The following MAGI2 variants were observed in gnomAD, a reference collection of about 807,000 sequenced individuals.
MAGI2 encodes the protein membrane associated guanylate kinase, WW and PDZ domain containing 2.
A neutral mutation model predicts 133.3 loss-of-function variants in MAGI2; 35 were observed. The ratio of observed to expected loss-of-function variants is 0.26; its 90% confidence interval spans 0.20 to 0.35. MAGI2 has a LOEUF of 0.35. Ranked by LOEUF, MAGI2 falls within the 10% of genes least tolerant of loss-of-function variation. The pLI is 1.00. For missense variants in MAGI2, 1,636 were observed against 1,863.4 expected, an observed-to-expected ratio of 0.88 and a Z score of 2.25; for synonymous variants, 729 against 710.6, an observed-to-expected ratio of 1.03 and a Z score of -0.41.
chr7:79,043,394 C>G (rs528071000), intron 1 of MAGI2, among the ~76,000 whole-genome samples: 1 of 150,554 alleles, frequency 6.6e-6, no homozygotes, highest in African/African-American at 2.4e-5. Context: ...AATACAAAAA[C>G]TAGCTGAGTG....
rs71085515 is a variant in MAGI2, at chr7:78,208,135, CTTTTTT to C, written c.2048-6948_2048-6943del. Among the ~76,000 whole-genome samples the C allele has an allele frequency of 4.3e-5, 5 of 115,588 alleles. No individual in the cohort carries two copies. The Admixed American group carries it at 4.6e-4, about 11-fold the overall frequency. The allele number at this position is 115,588 out of a possible 152,430, so 75.8% of individuals were successfully genotyped here. ...CATCCACCTCGGCCTCCCAAAGTGG[CTTTTTT>C]TTTTTTTTTTTTTTAATATGGGGAG... is the stretch of plus-strand genomic sequence containing the variant. On this transcript the variant is annotated intron_variant, in intron 10 of 21. Coordinates refer to ENST00000354212, the MANE Select transcript of MAGI2 (RefSeq NM_012301.4).
intron 1 of MAGI2, among the ~76,000 whole-genome samples, chr7:79,400,831 T>C (rs534724190): frequency 3.3e-5 from 5 of 152,214 alleles, no homozygotes; most frequent in Admixed American, 3.3e-4. Flanking sequence ...CTACATACTA[T>C]ATGTTGTACA....
At chr7:78,312,622 A>G (rs746317472) in intron 9 of MAGI2, among the ~76,000 whole-genome samples, 1 of 152,196 alleles carries the variant, frequency 6.6e-6, no homozygotes, top group Non-Finnish European at 1.5e-5. Context: ...TCTCAATGTC[A>G]CTAATAATCA....
intron 1 of MAGI2, among the ~76,000 whole-genome samples, chr7:79,013,665 A>G (rs1322026229): frequency 2.0e-5 from 3 of 152,174 alleles, no homozygotes; most frequent in Non-Finnish European, 4.4e-5. Flanking sequence ...AACAGCCTCC[A>G]TTCCCTTTTT....
intron 2 of MAGI2, among the ~76,000 whole-genome samples, chr7:78,923,493 C>T (rs1219473872): frequency 6.6e-6 from 1 of 152,160 alleles, no homozygotes; most frequent in Non-Finnish European, 1.5e-5. Context: ...TGTCAAAGAT[C>T]AGATAGTTGT....
At chr7:78,497,865 G>C (rs1425711730) in intron 5 of MAGI2, among the ~76,000 whole-genome samples, 1 of 152,012 alleles carries the variant, frequency 6.6e-6, no homozygotes, top group African/African-American at 2.4e-5. Context: ...CTTCAGCAAA[G>C]TCTAATTAAA....
At chr7:78,261,793 CT>C (rs1426456970) in intron 9 of MAGI2, among the ~76,000 whole-genome samples, 5 of 152,096 alleles carry the variant, frequency 3.3e-5, no homozygotes, top group African/African-American at 1.2e-4. Flanking sequence ...GCTTTATTTT[CT>C]GCAGCTTATA....
chr7:78,429,914 C>A (rs1245366234), intron 6 of MAGI2, among the ~76,000 whole-genome samples: 1 of 151,984 alleles, frequency 6.6e-6, no homozygotes, highest in African/African-American at 2.4e-5. Flanking sequence ...AGTAATTTGC[C>A]CAAGGCCACA....
Position 78,024,305 on chromosome 7 carries a change from C to A in MAGI2, c.3707-4329G>T, listed in dbSNP as rs934509674. On this transcript the variant is annotated intron_variant, in intron 21 of 21. Coordinates refer to ENST00000354212, the MANE Select transcript of MAGI2 (RefSeq NM_012301.4). ...CTAGGTGTTTTCATTATTCATGTAGCTTTTATATAACAATACTCCCAAATG... is the reference window on the plus strand; with the variant it reads ...CTAGGTGTTTTCATTATTCATGTAGATTTTATATAACAATACTCCCAAATG... 2.0e-5 allele frequency among the ~76,000 whole-genome samples: 3 copies of A among 152,180 alleles called. No individual in the cohort carries two copies. In the South Asian group the frequency reaches 6.2e-4, roughly 32 times the overall value.
intron 1 of MAGI2, among the ~76,000 whole-genome samples, chr7:79,352,181 C>T (rs928261250): frequency 6.6e-6 from 1 of 152,166 alleles, no homozygotes; most frequent in Non-Finnish European, 1.5e-5. Flanking sequence ...TATAGGACTA[C>T]TAAAAATAAA....
intron 10 of MAGI2, among the ~76,000 whole-genome samples, chr7:78,222,148 A>G (rs188355506): frequency 3.5e-4 from 53 of 152,322 alleles, no homozygotes; most frequent in African/African-American, 1.2e-3. Flanking sequence ...GGGAATGCAC[A>G]TCATTCTGTG....
intron 2 of MAGI2, among the ~76,000 whole-genome samples, chr7:78,770,089 G>T (rs1251560804): frequency 1.3e-5 from 2 of 152,202 alleles, no homozygotes; most frequent in African/African-American, 4.8e-5. Context: ...TGCTATCACG[G>T]AAAGCACAAG....
chr7:79,063,523 TCAGTA>T, intron 1 of MAGI2, among the ~76,000 whole-genome samples: 1 of 152,062 alleles, frequency 6.6e-6, no homozygotes, highest in Non-Finnish European at 1.5e-5. Context: ...AGTTACTTTA[TCAGTA>T]CAGAGTGAAT....
At chr7:78,028,164 G>A (rs1391861371) in intron 21 of MAGI2, among the ~76,000 whole-genome samples, 1 of 152,200 alleles carries the variant, frequency 6.6e-6, no homozygotes, top group Non-Finnish European at 1.5e-5. Context: ...CTTGAAAATT[G>A]CAGAACAAAT....
At chr7:78,237,197 A>G (rs1409706390) in intron 10 of MAGI2, among the ~76,000 whole-genome samples, 2 of 152,192 alleles carry the variant, frequency 1.3e-5, no homozygotes, top group Non-Finnish European at 2.9e-5. Flanking sequence ...TGGCCAACAG[A>G]CATATTTTTA....
intron 2 of MAGI2, among the ~76,000 whole-genome samples, chr7:78,780,448 C>G (rs1192904514): frequency 6.6e-6 from 1 of 152,204 alleles, no homozygotes; most frequent in African/African-American, 2.4e-5. Flanking sequence ...GTAACAGTAA[C>G]TATGAGTATC....
chr7:78,870,096 C>T (rs1265489666), intron 2 of MAGI2, among the ~76,000 whole-genome samples: 1 of 151,880 alleles, frequency 6.6e-6, no homozygotes, highest in African/African-American at 2.4e-5. Flanking sequence ...CTATAAGGAA[C>T]TCCAACAAAT....
intron 2 of MAGI2, among the ~76,000 whole-genome samples, chr7:78,730,627 T>C (rs1275819371): frequency 6.6e-6 from 1 of 152,100 alleles, no homozygotes; most frequent in Non-Finnish European, 1.5e-5. Context: ...AGTTCAATAA[T>C]AAATGGTCAC....
At chr7:78,925,546 C>A (rs1462384734) in intron 2 of MAGI2, among the ~76,000 whole-genome samples, 1 of 151,932 alleles carries the variant, frequency 6.6e-6, no homozygotes, top group Admixed American at 6.6e-5. Flanking sequence ...TGGTCAAAAC[C>A]ATATGCATGC....
Sources: allele counts gnomAD v4.1 joint callset (sites outside exome capture counted in the v4.1 genomes callset), GRCh38; gene constraint gnomAD v4.1.1; transcripts MANE v1.5; gene names NCBI Gene and HGNC (gene_info 2026-07-23, HGNC 2026-07-21).